Variants in EPB41L3 observed in about 807,000 individuals in gnomAD.
EPB41L3 encodes the protein erythrocyte membrane protein band 4.1 like 3.
Under a neutral mutation model 127.1 loss-of-function variants are expected in EPB41L3, and 57 were observed. The ratio of observed to expected loss-of-function variants is 0.45; its 90% CI spans 0.36 to 0.56. The LOEUF is 0.56. Among genes scored for constraint, EPB41L3 ranks in the 20% least tolerant of loss-of-function variants. EPB41L3 has a pLI of 0.00. For missense variants in EPB41L3, 1,273 were observed against 1,372.2 expected (o/e 0.93, Z 1.14); for synonymous variants, 572 against 549.5 (o/e 1.04, Z -0.57).
intron 1 of EPB41L3, among the ~76,000 whole-genome samples, chr18:5,513,768 C>G (rs542414315): frequency 2.6e-4 from 40 of 152,304 alleles, no homozygotes; most frequent in Non-Finnish European, 4.4e-5. Context: ...TATACAGGAT[C>G]TGGCATATCT....
chr18:5,547,452 T>C (rs142501348), upstream of EPB41L3, among the ~76,000 whole-genome samples: 360 of 152,312 alleles, frequency 2.4e-3, 3 homozygotes, highest in African/African-American at 8.4e-3. Context: ...ATGCAAATAC[T>C]GAAACAATCC....
upstream of EPB41L3, among the ~76,000 whole-genome samples, chr18:5,629,225 G>T (rs1470597475): frequency 1.3e-5 from 2 of 152,020 alleles, no homozygotes; most frequent in African/African-American, 2.4e-5. Context: ...TTAATCCTGG[G>T]ATTCCGCGTT....
chr18:5,502,031 CCTCCTG>C (rs2091792358), intron 1 of EPB41L3, among the ~76,000 whole-genome samples: 1 of 101,084 alleles, frequency 9.9e-6, no homozygotes, highest in African/African-American at 4.0e-5. Flanking sequence ...CGCCATCTTC[CCTCCTG>C]CCTCCTGCCT....
At position 5,414,593 on chromosome 18, in the gene EPB41L3, T is replaced by C. The variant is rs575953428; in HGVS notation, c.2067+1225A>G. On this transcript the variant is annotated intron_variant, in intron 13 of 22. Coordinates refer to ENST00000341928, the MANE Select transcript of EPB41L3 (RefSeq NM_012307.5). ...TAGCATTGCCTTGACTTTGTGACTTTAAAAAAAAATGCTAAGCGTATTTTG... is the reference window on the plus strand; with the variant it reads ...TAGCATTGCCTTGACTTTGTGACTTCAAAAAAAAATGCTAAGCGTATTTTG... 2.4e-4 allele frequency among the ~76,000 whole-genome samples: 36 copies of C among 151,382 alleles called. 1 individual carries two copies. Among genetic ancestry groups the C allele is most frequent in the African/African-American group, 8.7e-4 (36 of 41,344 alleles).
intron 4 of EPB41L3, 121 bp downstream of exon 4, chr18:5,445,019 A>G: frequency 1.5e-6 from 1 of 679,920 alleles, no homozygotes; most frequent in Non-Finnish European, 2.6e-6. Flanking sequence ...GACTCAAAGT[A>G]GAAAGTGTGG....
chr18:5,433,400 C>T, intron 8 of EPB41L3, 69 bp downstream of exon 8: 1 of 1,113,396 alleles, frequency 9.0e-7, no homozygotes, highest in Non-Finnish European at 1.3e-6. Context: ...AAATCACCAG[C>T]TTACAGTAAT....
At chr18:5,558,032 AGCACTTAGTATGTGCCAG>A (rs1303609982) in intron 3 of EPB41L3, among the ~76,000 whole-genome samples, 1 of 152,234 alleles carries the variant, frequency 6.6e-6, no homozygotes, top group African/African-American at 2.4e-5. Flanking sequence ...TAATTTATTG[AGCACTTAGTATGTGCCAG>A]GCACTTTGCA....
At chr18:5,422,595 G>A (rs1230472907) in intron 11 of EPB41L3, among the ~76,000 whole-genome samples, 2 of 152,190 alleles carry the variant, frequency 1.3e-5, no homozygotes, top group East Asian at 3.8e-4. Context: ...CAAATGAGAA[G>A]ACAGAGACCT....
intron 1 of EPB41L3, among the ~76,000 whole-genome samples, chr18:5,503,041 G>A (rs1291023202): frequency 6.6e-6 from 1 of 152,156 alleles, no homozygotes; most frequent in African/African-American, 2.4e-5. Context: ...CTGGATGGTT[G>A]ACTCACTTTT....
rs780259904 is a variant in EPB41L3 at position 5,407,742 on chromosome 18, A to G, written c.2122-6T>C. ...GCATCTTCCTCCTGGTCCGACTGCC[A>G]GCATCAAGAAAGAGTGGGAAATAAA... On this transcript the variant is annotated splice_polypyrimidine_tract_variant and splice_region_variant and intron_variant, in intron 14 of 22. Transcript: ENST00000341928. The G allele has an allele frequency of 6.2e-7, 1 of 1,613,894 alleles. No individual in the cohort carries two copies. The highest frequency in any genetic ancestry group is 1.3e-5 in the African/African-American group (1 of 74,934).
In EPB41L3 at chr18:5,440,341, A is replaced by G. The variant is rs549023201; in HGVS notation, c.530-2231T>C. Among the ~76,000 whole-genome samples the G allele has an allele frequency of 2.0e-5, 3 of 152,274 alleles. No homozygotes were observed. The South Asian group carries it at 6.2e-4, about 32-fold the overall frequency. ...GAAAGTGTACAGAAACTATAATACA[A>G]TCTACACCCCAATAAAGAAAAAAAA... is the stretch of plus-strand genomic sequence containing the variant. On this transcript the variant is annotated intron_variant, in intron 5 of 22. Transcript: ENST00000341928.
chr18:5,479,782 C>G (rs887116633), intron 2 of EPB41L3: 4 of 151,626 alleles, frequency 2.6e-5, no homozygotes, highest in African/African-American at 9.7e-5. Flanking sequence ...AGTAAATAAA[C>G]TAAAGAAAAC....
chr18:5,471,644 G>T (rs1405089727), intron 3 of EPB41L3, among the ~76,000 whole-genome samples: 1 of 152,126 alleles, frequency 6.6e-6, no homozygotes, highest in Non-Finnish European at 1.5e-5. Context: ...TCTGAAACAG[G>T]CAAGACGATG....
chr18:5,600,731 A>G (rs1440317966), intron 3 of EPB41L3, among the ~76,000 whole-genome samples: 2 of 152,188 alleles, frequency 1.3e-5, no homozygotes, highest in Non-Finnish European at 1.5e-5. Flanking sequence ...GTTCTTTCTA[A>G]TCATTAAAAC....
At position 5,434,081 on chromosome 18, in the gene EPB41L3, C is replaced by G. The variant is rs778271797; in HGVS notation, c.646G>C (p.Gly216Arg). Residue 216 changes from glycine to arginine, a missense_variant, in exon 7 of 23, where the codon GGA becomes CGA. Gly to Arg is a moderately radical substitution (Grantham distance 125). This residue lies in a region of EPB41L3 where 326 missense variants were observed against 440.2 expected (regional missense o/e 0.74). Coordinates refer to ENST00000341928, the MANE Select transcript of EPB41L3 (RefSeq NM_012307.5). ...GTAACAAAGGAGCAGGGCAGCCTTCCGGACACGATGTCATCTCGCAACTGC... is the reference window on the plus strand; with the variant it reads ...GTAACAAAGGAGCAGGGCAGCCTTCGGGACACGATGTCATCTCGCAACTGC... Reference protein sequence around the residue: ...CLQLRDDIVSGRLPCSFVTLA... With the variant: ...CLQLRDDIVSRRLPCSFVTLA... The G allele has an allele frequency of 6.2e-7, 1 of 1,613,998 alleles. No homozygotes were observed. Among genetic ancestry groups the G allele is most frequent in the Non-Finnish European group, 8.5e-7 (1 of 1,180,036 alleles).
chr18:5,475,194 A>G (rs748503235), intron 3 of EPB41L3, among the ~76,000 whole-genome samples: 1 of 152,184 alleles, frequency 6.6e-6, no homozygotes, highest in African/African-American at 2.4e-5. Context: ...GTCAAAGTCC[A>G]TTGTTCGTAT....
chr18:5,484,520 A>T (rs979728503), intron 2 of EPB41L3, among the ~76,000 whole-genome samples: 2 of 92,248 alleles, frequency 2.2e-5, no homozygotes, highest in Non-Finnish European at 4.4e-5. Context: ...AAATTGAGAT[A>T]AAAAAAAAAT....
chr18:5,431,747 C>G (rs1209683677), intron 8 of EPB41L3, among the ~76,000 whole-genome samples: 2 of 152,122 alleles, frequency 1.3e-5, no homozygotes, highest in African/African-American at 4.8e-5. Flanking sequence ...CCCTTCATTT[C>G]CTTCTTGTTT....
chr18:5,455,369 T>A (rs1568252092), intron 3 of EPB41L3, among the ~76,000 whole-genome samples: 1 of 152,226 alleles, frequency 6.6e-6, no homozygotes, highest in African/African-American at 2.4e-5. Context: ...ATTAGTAAAC[T>A]GAGTCTACAT....
Sources: gnomAD v4.1 joint callset for allele counts (sites outside exome capture counted in the v4.1 genomes callset) on GRCh38, gnomAD v4.1.1 for gene constraint, gnomAD v4.1.1 regional missense constraint, MANE v1.5 for transcripts, NCBI Gene and HGNC (gene_info 2026-07-23, HGNC 2026-07-21) for gene names.